Variants in PTPN2 observed in about 807,000 individuals in gnomAD.
PTPN2 encodes protein tyrosine phosphatase non-receptor type 2, also known as tyrosine-protein phosphatase non-receptor type 2.
A neutral mutation model predicts 57.3 loss-of-function variants in PTPN2; 19 were observed. The observed-to-expected ratio is 0.33, with a 90% CI of 0.23 to 0.49. The LOEUF (loss-of-function observed/expected upper bound fraction) is 0.49. Among genes scored for constraint, PTPN2 ranks in the 20% least tolerant of loss-of-function variants. The pLI is 0.99. For missense variants in PTPN2, 358 were observed against 501.1 expected (o/e 0.71, Z 2.73); for synonymous variants, 153 against 164.9 (o/e 0.93, Z 0.55).
In PTPN2 at chr18:12,794,396, C is replaced by A. The variant is rs753694114; in HGVS notation, c.1130G>T (p.Arg377Leu). ...QMKQRLNENE[R>L]KRKRWLYWQP... is the part of the protein sequence containing the mutation. ...CCAATATAACCACCTTTTTCTTTTT[C>A]GTTCATTCTCATTTAGCCTCTGTTT... Residue 377 changes from arginine (R) to leucine (L), a missense_variant, in exon 9 of 9, where the codon CGA (arginine) becomes CTA (leucine). Around this residue, in one of 4 missense-constraint regions of PTPN2, gnomAD observed 96 missense variants for 110.8 expected, o/e 0.87. Coordinates refer to ENST00000309660, the MANE Select transcript of PTPN2 (RefSeq NM_002828.4). The A allele has an allele frequency of 2.5e-6, 4 of 1,613,976 alleles. No individual in the cohort carries two copies. The South Asian group carries it at 3.3e-5, about 13-fold the overall frequency.
At position 12,805,639 on chromosome 18, in the gene PTPN2, C is replaced by CTT. The variant is rs755422217; in HGVS notation, c.859-3490_859-3489dup. On this transcript the variant is annotated intron_variant, in intron 7 of 8. Transcript: ENST00000309660. ...GGAACAAGACAAAGATGCCTCCTTT[C>CTT]TTTTTTTTTTTTTTTTTTGAGATGG... 2.3e-3 allele frequency among the ~76,000 whole-genome samples: 259 copies of CTT among 114,130 alleles called. 2 individuals carry two copies. The highest frequency in any genetic ancestry group is 7.1e-3 in the African/African-American group (245 of 34,444). The allele number at this position is 114,130 out of a possible 152,430, so 74.9% of individuals were successfully genotyped here.
chr18:12,862,316 G>C (rs1044445240), intron 1 of PTPN2: 1 of 152,154 alleles, frequency 6.6e-6, no homozygotes, highest in Non-Finnish European at 1.5e-5. Context: ...GCGCCACCAT[G>C]CCTGGCTAAT....
intron 1 of PTPN2, 100 bp downstream of exon 1, chr18:12,883,973 T>C (rs573583275): frequency 3.2e-5 from 35 of 1,087,328 alleles, no homozygotes; most frequent in Non-Finnish European, 4.0e-5. Context: ...AGCGAGAGGC[T>C]AGAGGCGAGA....
At chr18:12,876,128 C>T (rs988469988) in intron 1 of PTPN2, among the ~76,000 whole-genome samples, 2 of 151,964 alleles carry the variant, frequency 1.3e-5, no homozygotes, top group African/African-American at 4.8e-5. Context: ...GTCTGGGTGA[C>T]AGAGTGAGAC....
chr18:12,813,519 A>G (rs2041967403), intron 7 of PTPN2, among the ~76,000 whole-genome samples: 1 of 152,230 alleles, frequency 6.6e-6, no homozygotes, highest in Admixed American at 6.5e-5. Context: ...GCTAGTAATC[A>G]GAGAAATGAA....
At chr18:12,838,343 C>G (rs2042938309) in intron 2 of PTPN2, among the ~76,000 whole-genome samples, 1 of 152,178 alleles carries the variant, frequency 6.6e-6, no homozygotes, top group African/African-American at 2.4e-5. Context: ...CTGGTTACCC[C>G]ACATGGCACC....
chr18:12,830,776 G>A (rs561770278), intron 4 of PTPN2, among the ~76,000 whole-genome samples, 167 bp downstream of exon 4: 1 of 152,216 alleles, frequency 6.6e-6, no homozygotes, highest in African/African-American at 2.4e-5. Flanking sequence ...AAATACTTAA[G>A]AAAGGAAAAG....
intron 9 of PTPN2, chr18:12,786,195 C>T (rs1016597894): frequency 1.7e-5 from 5 of 301,760 alleles, no homozygotes; most frequent in African/African-American, 6.7e-5. Flanking sequence ...AATGTACCCA[C>T]AAGAATTTAG....
At chr18:12,835,977 T>C (rs478582) in intron 3 of PTPN2, among the ~76,000 whole-genome samples, 53,366 of 152,106 alleles carry the variant, frequency 0.35, 11,110 homozygotes, top group Middle Eastern at 0.47. Context: ...TGAATTGACG[T>C]AGTATAATAG....
chr18:12,820,717 T>C (rs913917138), intron 5 of PTPN2, among the ~76,000 whole-genome samples: 1 of 152,142 alleles, frequency 6.6e-6, no homozygotes, highest in Non-Finnish European at 1.5e-5. Context: ...CACACGCGGG[T>C]TGCACCCACA....
At chr18:12,874,169 C>T (rs1037687298) in intron 1 of PTPN2, among the ~76,000 whole-genome samples, 2 of 151,784 alleles carry the variant, frequency 1.3e-5, no homozygotes, top group Admixed American at 6.6e-5. Flanking sequence ...GGGTCAGCCC[C>T]CGCCAGGCGA....
chr18:12,826,476 G>C (rs553547566), intron 4 of PTPN2, among the ~76,000 whole-genome samples: 80 of 152,322 alleles, frequency 5.3e-4, no homozygotes, highest in African/African-American at 1.8e-3. Flanking sequence ...CTGTAAGCCA[G>C]TTTTAGAACA....
In PTPN2 at chr18:12,884,206, T is replaced by A; in HGVS notation, c.-65A>T. On this transcript the variant is annotated 5_prime_UTR_variant, in exon 1 of 9. Transcript: ENST00000309660. Reference sequence around the variant, plus strand: ...GCGGAGAGGCTCAGGCCCCGCACGATCCGGGGAGAGCGCTGGCGCTGCGGC... The same window carrying A: ...GCGGAGAGGCTCAGGCCCCGCACGAACCGGGGAGAGCGCTGGCGCTGCGGC... 1.5e-6 allele frequency: 2 copies of A among 1,339,788 alleles called. No homozygotes were observed. Among genetic ancestry groups the A allele is most frequent in the Admixed American group, 2.7e-5 (1 of 36,702 alleles). The allele number at this position is 1,339,788 out of a possible 1,614,324, so 83.0% of individuals were successfully genotyped here.
intron 2 of PTPN2, chr18:12,841,016 G>T: frequency 7.3e-7 from 1 of 1,379,232 alleles, no homozygotes; most frequent in South Asian, 1.6e-5. Context: ...AACCTATAGG[G>T]ATCTAAAGGT....
In PTPN2 at chr18:12,802,005, A is replaced by G. The variant is rs142378960; in HGVS notation, c.1005T>C (p.Ser335=). ...TCTCCTCCATTGTATCTTGCATTTT[A>G]GAGGAAAGTCCTGTACATCGGTCAC... ...LTGDRCTGLS[S]KMQDTMEENS... is the part of the protein sequence containing the mutation. Residue 335 remains serine, a synonymous_variant, in exon 8 of 9, where the codon TCT becomes TCC. Coordinates refer to ENST00000309660, the MANE Select transcript of PTPN2 (RefSeq NM_002828.4). 8 of 1,609,476 alleles carry G rather than the reference A, an allele frequency of 5.0e-6. No homozygotes were observed. In the African/African-American group the frequency reaches 1.1e-4, roughly 21 times the overall value.
intron 1 of PTPN2, among the ~76,000 whole-genome samples, chr18:12,868,660 G>A (rs78599993): frequency 2.7e-5 from 4 of 150,858 alleles, no homozygotes; most frequent in African/African-American, 7.3e-5. Flanking sequence ...CAGGCCGGGC[G>A]TGGTGGCTCA....
chr18:12,882,600 T>TGGCA (rs912611788), intron 1 of PTPN2, among the ~76,000 whole-genome samples: 4 of 152,234 alleles, frequency 2.6e-5, no homozygotes, highest in Non-Finnish European at 4.4e-5. Flanking sequence ...AAGATGCAGC[T>TGGCA]GGCAGGCTCT....
chr18:12,884,198 C>T lies in PTPN2; in HGVS notation c.-57G>A, dbSNP rs754003058. ...CTGCGCCGGCGGAGAGGCTCAGGCC[C>T]CGCACGATCCGGGGAGAGCGCTGGC... is the stretch of plus-strand genomic sequence containing the variant. On this transcript the variant is annotated 5_prime_UTR_variant, in exon 1 of 9. Transcript: ENST00000309660. 644 of 1,422,194 alleles carry T rather than the reference C, an allele frequency of 4.5e-4. 1 individual carries two copies. The highest frequency in any genetic ancestry group is 5.6e-4 in the Non-Finnish European group (588 of 1,054,396). The allele number at this position is 1,422,194 out of a possible 1,614,324, so 88.1% of individuals were successfully genotyped here. A position where few individuals can be genotyped will look rare whatever the true frequency, so the allele number is the denominator to read the frequency against.
intron 6 of PTPN2, among the ~76,000 whole-genome samples, chr18:12,816,247 C>G (rs2042069583): frequency 6.6e-6 from 1 of 152,148 alleles, no homozygotes; most frequent in Non-Finnish European, 1.5e-5. Flanking sequence ...CTGCAGTGAG[C>G]AGTGATTGCA....
Sources: allele counts gnomAD v4.1 joint callset (sites outside exome capture counted in the v4.1 genomes callset), GRCh38; gene constraint gnomAD v4.1.1; regional missense constraint gnomAD v4.1.1; transcripts MANE v1.5; gene names NCBI Gene and HGNC (gene_info 2026-07-23, HGNC 2026-07-21).